Variants in XPNPEP3 observed in about 807,000 individuals in gnomAD.
XPNPEP3 encodes X-prolyl aminopeptidase 3.
A neutral mutation model predicts 60.0 loss-of-function variants in XPNPEP3; 41 were observed. That is an observed-to-expected ratio of 0.68 (90% CI 0.53 to 0.89). The LOEUF (loss-of-function observed/expected upper bound fraction) is 0.89, where lower values mean the gene tolerates loss of function less well. Ranked by LOEUF, XPNPEP3 falls within the 40% of genes least tolerant of loss-of-function variation. The pLI, the probability that XPNPEP3 is intolerant of heterozygous loss-of-function variation, is 0.00. For missense variants in XPNPEP3, 598 were observed against 638.9 expected (o/e 0.94, Z 0.69); for synonymous variants, 212 against 223.2 (o/e 0.95, Z 0.45).
At chr22:40,891,412 T>G (rs939150591) in intron 4 of XPNPEP3, among the ~76,000 whole-genome samples, 106 of 152,004 alleles carry the variant, frequency 7.0e-4, no homozygotes, top group Non-Finnish European at 1.4e-3. Flanking sequence ...CCCAGCACTT[T>G]GGGAAGCCGA....
intron 1 of XPNPEP3, chr22:40,861,977 T>A: frequency 2.5e-6 from 4 of 1,596,734 alleles, no homozygotes; most frequent in Non-Finnish European, 3.4e-6. Context: ...GTCCTAGAAC[T>A]TCATAGTAAT....
intron 1 of XPNPEP3, among the ~76,000 whole-genome samples, chr22:40,859,287 CA>C (rs1369519351): frequency 1.3e-5 from 2 of 152,084 alleles, no homozygotes; most frequent in African/African-American, 4.8e-5. Context: ...TTATGTTAAG[CA>C]AACAATTAGC....
chr22:40,918,202 A>G (rs1276185516), intron 7 of XPNPEP3, among the ~76,000 whole-genome samples: 2 of 151,908 alleles, frequency 1.3e-5, no homozygotes, highest in East Asian at 1.9e-4. Flanking sequence ...CAAGACCTCT[A>G]TATCTACAAA....
intron 4 of XPNPEP3, among the ~76,000 whole-genome samples, chr22:40,892,756 C>G (rs144816493): frequency 1.3e-5 from 2 of 152,262 alleles, no homozygotes; most frequent in African/African-American, 2.4e-5. Flanking sequence ...TAAATAGACT[C>G]ATTTCAATGT....
intron 1 of XPNPEP3, among the ~76,000 whole-genome samples, chr22:40,858,446 C>A (rs2057918151): frequency 1.3e-5 from 2 of 151,014 alleles, no homozygotes; most frequent in Non-Finnish European, 3.0e-5. Context: ...CCAGAAGGAA[C>A]ACTTGCAAAG....
chr22:40,877,702 TG>T (rs1223467832), intron 2 of XPNPEP3, among the ~76,000 whole-genome samples: 2 of 152,206 alleles, frequency 1.3e-5, no homozygotes, highest in Non-Finnish European at 2.9e-5. Context: ...ATGCTGACTT[TG>T]TTTTTTAATT....
At chr22:40,914,472 T>C (rs2058188166) in intron 7 of XPNPEP3, 148 bp downstream of exon 7, 2 of 700,032 alleles carry the variant, frequency 2.9e-6, no homozygotes, top group Non-Finnish European at 5.1e-6. Context: ...TTTCTAAGAC[T>C]GTTTTGTTCA....
chr22:40,863,704 A>G (rs1479590001), intron 1 of XPNPEP3, among the ~76,000 whole-genome samples: 1 of 152,214 alleles, frequency 6.6e-6, no homozygotes, highest in Non-Finnish European at 1.5e-5. Context: ...TTATTTGAGT[A>G]CCCTCTGAGT....
In XPNPEP3 at chr22:40,929,758, T is replaced by C. The variant is rs576512173; in HGVS notation, c.*3323T>C. 2.6e-5 allele frequency: 4 copies of C among 152,318 alleles called. No individual in the cohort carries two copies. The South Asian group carries it at 8.3e-4, about 32-fold the overall frequency. 9.4% of individuals were successfully genotyped at this position (152,318 alleles called of 1,614,324 possible). A position where few individuals can be genotyped will look rare whatever the true frequency, so the allele number is the denominator to read the frequency against. On this transcript the variant is annotated 3_prime_UTR_variant, in exon 10 of 10. Coordinates refer to ENST00000357137, the MANE Select transcript of XPNPEP3 (RefSeq NM_022098.4). Reference sequence around the variant, plus strand: ...CATAGCAATGTTATGGGCTGTCTGATATATTCAGGATTTGTTGAGCAGATA... The same window carrying C: ...CATAGCAATGTTATGGGCTGTCTGACATATTCAGGATTTGTTGAGCAGATA...
At chr22:40,870,111 A>G in intron 2 of XPNPEP3, 1 of 470,838 alleles carries the variant, frequency 2.1e-6, no homozygotes, top group Non-Finnish European at 4.4e-6. Flanking sequence ...TGAAACCCAC[A>G]AGAAATCAGA....
At chr22:40,898,521 G>T (rs1387915936) in intron 4 of XPNPEP3, among the ~76,000 whole-genome samples, 2 of 133,372 alleles carry the variant, frequency 1.5e-5, no homozygotes, top group African/African-American at 4.1e-5. Context: ...CCAAAGTGCT[G>T]GGATTACAGG....
At chr22:40,886,643 G>A (rs1479042627) in intron 4 of XPNPEP3, 128 bp downstream of exon 4, 6 of 800,042 alleles carry the variant, frequency 7.5e-6, no homozygotes, top group African/African-American at 3.4e-5. Context: ...GGCTAACATG[G>A]TGAAACCCCG....
chr22:40,861,357 G>A (rs916721222), intron 1 of XPNPEP3: 2 of 1,614,008 alleles, frequency 1.2e-6, no homozygotes, highest in Non-Finnish European at 1.7e-6. Flanking sequence ...ATTATCTTCA[G>A]CTTCTCTTTC....
At chr22:40,884,815 C>T (rs957539396) in intron 3 of XPNPEP3, among the ~76,000 whole-genome samples, 1 of 151,270 alleles carries the variant, frequency 6.6e-6, no homozygotes, top group South Asian at 2.1e-4. Flanking sequence ...TGCCTGAGAT[C>T]AGGAGTTCGA....
intron 6 of XPNPEP3, among the ~76,000 whole-genome samples, chr22:40,911,898 T>A (rs2058178570): frequency 6.6e-6 from 1 of 152,106 alleles, no homozygotes; most frequent in Non-Finnish European, 1.5e-5. Flanking sequence ...TTAAATATAT[T>A]GTCATAAGAA....
chr22:40,882,291 G>A, intron 3 of XPNPEP3, 114 bp downstream of exon 3: 1 of 1,142,780 alleles, frequency 8.8e-7, no homozygotes, highest in South Asian at 1.3e-5. Context: ...AAAAGACCAT[G>A]AGCACCATGA....
chr22:40,922,514 G>A lies in XPNPEP3; in HGVS notation c.1236+1G>A, dbSNP rs770065955. 6.2e-7 allele frequency: 1 copy of A among 1,613,772 alleles called. No homozygotes were observed. Among genetic ancestry groups the A allele is most frequent in the Non-Finnish European group, 8.5e-7 (1 of 1,179,946 alleles). The stretch of plus-strand genomic sequence containing the variant: ...CATTAAGGAAAATAATGCCTTCAAG[G>A]TACTTCACTTCTCTTGACCCCAGTT... On this transcript the variant is annotated splice_donor_variant, in intron 8 of 9. Coordinates refer to ENST00000357137, the MANE Select transcript of XPNPEP3 (RefSeq NM_022098.4). LOFTEE classifies it high-confidence loss of function.
intron 2 of XPNPEP3, among the ~76,000 whole-genome samples, chr22:40,870,671 A>C (rs529488396): frequency 1.3e-5 from 2 of 152,270 alleles, no homozygotes; most frequent in African/African-American, 4.8e-5. Flanking sequence ...AGAGATGCAA[A>C]ACTTGTGGAA....
At chr22:40,882,461 A>T (rs1343558583) in intron 3 of XPNPEP3, among the ~76,000 whole-genome samples, 2 of 152,068 alleles carry the variant, frequency 1.3e-5, no homozygotes, top group Non-Finnish European at 2.9e-5. Context: ...ACATGGCGAA[A>T]CCCCGTCTCT....
Sources: gnomAD v4.1 joint callset for allele counts (sites outside exome capture counted in the v4.1 genomes callset) on GRCh38, gnomAD v4.1.1 for gene constraint, MANE v1.5 for transcripts, NCBI Gene and HGNC (gene_info 2026-07-23, HGNC 2026-07-21) for gene names.